Variants in PTPRC observed in about 807,000 individuals in gnomAD.
The protein encoded by PTPRC is protein tyrosine phosphatase receptor type C, also known as receptor-type tyrosine-protein phosphatase C.
Under a neutral mutation model 155.9 loss-of-function variants are expected in PTPRC, and 44 were observed. That is an observed-to-expected ratio of 0.28 (90% CI 0.22 to 0.36). PTPRC has a LOEUF of 0.36. Ranked by LOEUF, PTPRC falls within the 10% of genes least tolerant of loss-of-function variation. PTPRC has a pLI of 1.00. For synonymous variants in PTPRC, 525 were observed against 533.1 expected, an observed-to-expected ratio of 0.98 and a Z score of 0.21; for missense variants, 1,401 against 1,564.6, an observed-to-expected ratio of 0.90 and a Z score of 1.76.
Position 198,718,117 on chromosome 1 carries a change from A to G in PTPRC, c.1474A>G (p.Thr492Ala). Reference protein sequence around the residue: ...SAPPSQVWNMTVSMTSDNSMH... With the variant: ...SAPPSQVWNMAVSMTSDNSMH... The stretch of plus-strand genomic sequence containing the variant: ...AGCTCCAAGCCAGGTCTGGAACATG[A>G]CTGTCTCCATGACATCAGATAATAG... Residue 492 changes from threonine to alanine, a missense_variant, in exon 14 of 33, where the codon ACT (threonine) becomes GCT (alanine). This residue lies in a region of PTPRC where 867 missense variants were observed against 970.4 expected (regional missense o/e 0.89). Transcript: ENST00000442510. The G allele has an allele frequency of 3.1e-6, 5 of 1,613,600 alleles. No homozygotes were observed. Among genetic ancestry groups the G allele is most frequent in the Non-Finnish European group, 4.2e-6 (5 of 1,179,506 alleles).
At chr1:198,642,370 G>GTCTA (rs369299301) in intron 2 of PTPRC, among the ~76,000 whole-genome samples, 12,179 of 150,466 alleles carry the variant, frequency 0.081, 826 homozygotes, top group African/African-American at 0.19. Flanking sequence ...CTATCTATCT[G>GTCTA]TCTATCTATC....
At chr1:198,690,612 G>T (rs1665876035) in intron 2 of PTPRC, among the ~76,000 whole-genome samples, 1 of 152,032 alleles carries the variant, frequency 6.6e-6, no homozygotes, top group African/African-American at 2.4e-5. Flanking sequence ...GCCAGGGAAT[G>T]TCATTGAAGA....
intron 2 of PTPRC, among the ~76,000 whole-genome samples, chr1:198,691,951 C>A (rs970216477): frequency 6.6e-6 from 1 of 151,968 alleles, no homozygotes; most frequent in Non-Finnish European, 1.5e-5. Flanking sequence ...CATATTATAT[C>A]CCTAGCATGT....
chr1:198,706,862 A>G lies in PTPRC; in HGVS notation c.814A>G (p.Asn272Asp). ...TACTTGCACAAACAATGAGGTGCAT[A>G]ACCTTACAGAATGTAAAAATGCGTC... Reference protein sequence around the residue: ...NNTCTNNEVHNLTECKNASVS... With the variant: ...NNTCTNNEVHDLTECKNASVS... Residue 272 changes from asparagine (N) to aspartate (D), a missense_variant, in exon 9 of 33, where the codon AAC becomes GAC. Physicochemically the swap from Asn to Asp is conservative, Grantham distance 23. Coordinates refer to ENST00000442510, the MANE Select transcript of PTPRC (RefSeq NM_002838.5). 6.2e-7 allele frequency: 1 copy of G among 1,613,338 alleles called. No individual in the cohort carries two copies. Among genetic ancestry groups the G allele is most frequent in the East Asian group, 2.2e-5 (1 of 44,832 alleles).
intron 2 of PTPRC, among the ~76,000 whole-genome samples, chr1:198,671,222 C>T (rs1664624969): frequency 1.3e-5 from 2 of 152,100 alleles, no homozygotes; most frequent in Admixed American, 6.6e-5. Flanking sequence ...AAAACAACTT[C>T]CATGCATACA....
At chr1:198,732,942 A>G (rs1180675538) in intron 20 of PTPRC, among the ~76,000 whole-genome samples, 3 of 151,820 alleles carry the variant, frequency 2.0e-5, no homozygotes, top group Non-Finnish European at 4.4e-5. Flanking sequence ...TGTTCACACA[A>G]TTGGTAAATA....
intron 7 of PTPRC, 73 bp from the exon 8 acceptor site, chr1:198,704,399 C>T (rs1198901121): frequency 6.2e-6 from 10 of 1,606,176 alleles, no homozygotes; most frequent in Non-Finnish European, 8.5e-6. Context: ...TGTAAATCAG[C>T]TTTCCCAAAA....
At chr1:198,754,578 T>G in intron 32 of PTPRC, 174 bp downstream of exon 32, 2 of 773,414 alleles carry the variant, frequency 2.6e-6, no homozygotes, top group Non-Finnish European at 4.0e-6. Flanking sequence ...TACATGATAA[T>G]TCACATTAAA....
intron 2 of PTPRC, among the ~76,000 whole-genome samples, chr1:198,654,191 G>T (rs1455885815): frequency 6.6e-6 from 1 of 151,822 alleles, no homozygotes; most frequent in Non-Finnish European, 1.5e-5. Flanking sequence ...ATGTATTAGA[G>T]CCACAGATGT....
At chr1:198,666,424 A>T (rs1664310673) in intron 2 of PTPRC, among the ~76,000 whole-genome samples, 1 of 152,142 alleles carries the variant, frequency 6.6e-6, no homozygotes, top group Admixed American at 6.6e-5. Flanking sequence ...GCTCCAAAAC[A>T]GATGCTTTGG....
rs1553246600 is a variant in PTPRC at position 198,756,375 on chromosome 1, C to CTTAT, written c.*197_*200dup. 2.8e-6 allele frequency: 2 copies of CTTAT among 720,600 alleles called. No individual in the cohort carries two copies. Among genetic ancestry groups the CTTAT allele is most frequent in the African/African-American group, 1.8e-5 (1 of 55,766 alleles). 44.6% of individuals were successfully genotyped at this position (720,600 alleles called of 1,614,324 possible). Reference sequence around the variant, plus strand: ...CCAGAACAGTTTGTACAGACGTATGCTTATTTTAAAATTTTATCTCTTATT... The same window carrying CTTAT: ...CCAGAACAGTTTGTACAGACGTATGCTTATTTATTTTAAAATTTTATCTCTTATT... On this transcript the variant is annotated 3_prime_UTR_variant, in exon 33 of 33. Coordinates refer to ENST00000442510, the MANE Select transcript of PTPRC (RefSeq NM_002838.5).
chr1:198,708,458 C>T (rs1653116375), intron 10 of PTPRC, among the ~76,000 whole-genome samples, 197 bp downstream of exon 10: 1 of 151,960 alleles, frequency 6.6e-6, no homozygotes, highest in East Asian at 1.9e-4. Flanking sequence ...CTATACAATT[C>T]AAACAAATTC....
chr1:198,754,480 C>T, intron 32 of PTPRC, 76 bp downstream of exon 32: 1 of 1,520,496 alleles, frequency 6.6e-7, no homozygotes, highest in Non-Finnish European at 9.1e-7. Flanking sequence ...TTTTTCTTTT[C>T]TCCTCTCCTT....
At chr1:198,752,447 G>T in intron 30 of PTPRC, 76 bp downstream of exon 30, 1 of 1,564,224 alleles carries the variant, frequency 6.4e-7, no homozygotes, top group African/African-American at 1.4e-5. Flanking sequence ...ATTACTCTAT[G>T]CAGGCAAGGC....
chr1:198,674,231 A>G (rs1006691321), intron 2 of PTPRC, among the ~76,000 whole-genome samples: 7 of 152,166 alleles, frequency 4.6e-5, no homozygotes, highest in Admixed American at 3.9e-4. Context: ...CTTCAGTTGG[A>G]TAAGGAATGC....
chr1:198,695,206 G>A (rs1310267413), intron 3 of PTPRC: 1 of 872,078 alleles, frequency 1.1e-6, no homozygotes, highest in South Asian at 5.3e-5. Context: ...TAGTAATATT[G>A]CAATTTTCAT....
intron 23 of PTPRC, among the ~76,000 whole-genome samples, chr1:198,736,002 A>G (rs539055518): frequency 6.6e-6 from 1 of 151,670 alleles, no homozygotes; most frequent in African/African-American, 2.4e-5. Flanking sequence ...ACTTTATGGT[A>G]TGTAAAATGT....
chr1:198,688,105 G>C lies in PTPRC; in HGVS notation c.74-4242G>C, dbSNP rs149785919. On this transcript the variant is annotated intron_variant, in intron 2 of 32. Coordinates refer to ENST00000442510, the MANE Select transcript of PTPRC (RefSeq NM_002838.5). ...TGTGTGTGTGTGTGTGTGTCTGTGTGTGTGTGCACGCACATATTTGAAATA... is the reference window on the plus strand; with the variant it reads ...TGTGTGTGTGTGTGTGTGTCTGTGTCTGTGTGCACGCACATATTTGAAATA... Among the ~76,000 whole-genome samples the C allele has an allele frequency of 1.4e-4, 22 of 152,030 alleles. No homozygotes were observed. In the East Asian group the frequency reaches 4.2e-3, roughly 29 times the overall value.
intron 2 of PTPRC, among the ~76,000 whole-genome samples, chr1:198,657,013 C>A (rs1317952454): frequency 6.9e-6 from 1 of 145,710 alleles, no homozygotes; most frequent in Non-Finnish European, 1.5e-5. Context: ...AGGATGGAAT[C>A]AAGAGGTTTT....
Sources: allele counts gnomAD v4.1 joint callset (sites outside exome capture counted in the v4.1 genomes callset), GRCh38; gene constraint gnomAD v4.1.1; regional missense constraint gnomAD v4.1.1; transcripts MANE v1.5; gene names NCBI Gene and HGNC (gene_info 2026-07-23, HGNC 2026-07-21).